Variants in TNR observed in about 807,000 individuals in gnomAD.
TNR encodes tenascin R.
TNR carries 45 observed loss-of-function variants against 150.4 expected under a neutral mutation model. The ratio of observed to expected loss-of-function variants is 0.30; its 90% CI spans 0.24 to 0.38. The LOEUF (loss-of-function observed/expected upper bound fraction) is 0.38, where lower values mean the gene tolerates loss of function less well. TNR is among the 10% of genes least tolerant of loss of function. TNR has a pLI of 1.00. For synonymous variants in TNR, 687 were observed against 678.4 expected (o/e 1.01, Z -0.20); for missense variants, 1,544 against 1,759.1 (o/e 0.88, Z 2.19).
intron 17 of TNR, among the ~76,000 whole-genome samples, chr1:175,355,221 T>C (rs1651265777): frequency 6.6e-6 from 1 of 152,218 alleles, no homozygotes; most frequent in South Asian, 2.1e-4. Flanking sequence ...GAGACCTTCA[T>C]TAGCTAGAGA....
intron 1 of TNR, among the ~76,000 whole-genome samples, chr1:175,612,189 C>G (rs988447866): frequency 6.6e-5 from 10 of 152,150 alleles, no homozygotes; most frequent in Non-Finnish European, 1.3e-4. Context: ...TCCACAGTCA[C>G]TCAGAGCACC....
chr1:175,331,050 T>TTTCTTTCTTTCCTTC (rs1557867588), intron 20 of TNR, among the ~76,000 whole-genome samples: 5 of 95,808 alleles, frequency 5.2e-5, no homozygotes, highest in Middle Eastern at 8.9e-3. Flanking sequence ...TCTTTCTTTC[T>TTTCTTTCTTTCCTTC]TTCTTTCTTT....
intron 2 of TNR, among the ~76,000 whole-genome samples, chr1:175,430,992 T>C (rs1392688885): frequency 3.9e-5 from 6 of 152,212 alleles, no homozygotes; most frequent in African/African-American, 1.4e-4. Context: ...ATGTTGCATA[T>C]CTATACATGG....
intron 1 of TNR, among the ~76,000 whole-genome samples, chr1:175,616,678 A>G (rs1225175722): frequency 9.9e-5 from 15 of 152,146 alleles, no homozygotes. Context: ...GGGCGTTGGC[A>G]TGTAGATATT....
chr1:175,491,385 A>G (rs1451301894), intron 2 of TNR, among the ~76,000 whole-genome samples: 2 of 152,198 alleles, frequency 1.3e-5, no homozygotes, highest in African/African-American at 2.4e-5. Context: ...AATAAATGTT[A>G]AAGAAAAAAA....
At chr1:175,573,108 C>T (rs557806023) in intron 1 of TNR, among the ~76,000 whole-genome samples, 2 of 152,332 alleles carry the variant, frequency 1.3e-5, no homozygotes, top group East Asian at 3.9e-4. Context: ...CTCTGATTAG[C>T]GTGCCTAAGC....
At chr1:175,731,178 G>A (rs953277227) in intron 1 of TNR, among the ~76,000 whole-genome samples, 3 of 152,194 alleles carry the variant, frequency 2.0e-5, no homozygotes, top group African/African-American at 7.2e-5. Context: ...CATTGGAACA[G>A]TGGGTCTTCT....
chr1:175,742,394 C>T (rs1667954605), intron 1 of TNR, among the ~76,000 whole-genome samples: 1 of 152,112 alleles, frequency 6.6e-6, no homozygotes, highest in African/African-American at 2.4e-5. Flanking sequence ...TGCCAAATGC[C>T]CCAGAAAACA....
intron 2 of TNR, among the ~76,000 whole-genome samples, chr1:175,494,074 G>T (rs1028343006): frequency 6.6e-6 from 1 of 151,932 alleles, no homozygotes; most frequent in African/African-American, 2.4e-5. Context: ...CATCTCTCTG[G>T]TCTGTGCCTC....
At chr1:175,438,690 C>T (rs1655630987) in intron 2 of TNR, among the ~76,000 whole-genome samples, 1 of 152,198 alleles carries the variant, frequency 6.6e-6, no homozygotes, top group Non-Finnish European at 1.5e-5. Flanking sequence ...TCTCAGGATA[C>T]AAAATCAATA....
At chr1:175,456,019 C>T (rs1423607908) in intron 2 of TNR, among the ~76,000 whole-genome samples, 1 of 152,180 alleles carries the variant, frequency 6.6e-6, no homozygotes, top group Non-Finnish European at 1.5e-5. Flanking sequence ...GATGTGTGGT[C>T]ACCTCACCTA....
intron 2 of TNR, among the ~76,000 whole-genome samples, chr1:175,434,210 G>T (rs1375918431): frequency 2.6e-5 from 4 of 152,176 alleles, no homozygotes; most frequent in Admixed American, 2.6e-4. Flanking sequence ...CAGAGAGCAG[G>T]CGTGAGGCAG....
intron 2 of TNR, among the ~76,000 whole-genome samples, chr1:175,439,864 G>C (rs1655698559): frequency 6.6e-6 from 1 of 152,150 alleles, no homozygotes; most frequent in Non-Finnish European, 1.5e-5. Flanking sequence ...TCATTAAAAA[G>C]TCAAGAAACA....
chr1:175,359,493 A>C (rs1041129390), intron 15 of TNR, 119 bp downstream of exon 15: 1 of 1,521,786 alleles, frequency 6.6e-7, no homozygotes, highest in Non-Finnish European at 9.0e-7. Context: ...CTGAAGTAGG[A>C]ACTTTTCTAA....
intron 2 of TNR, among the ~76,000 whole-genome samples, chr1:175,453,036 C>T (rs930366014): frequency 6.6e-6 from 1 of 151,958 alleles, no homozygotes; most frequent in Non-Finnish European, 1.5e-5. Context: ...AGATGGTGGT[C>T]ACGGTGGTAC....
chr1:175,323,577 G>A, intron 22 of TNR, 101 bp from the exon 23 acceptor site: 1 of 1,509,184 alleles, frequency 6.6e-7, no homozygotes, highest in Non-Finnish European at 8.9e-7. Flanking sequence ...ACAATGTGGG[G>A]TTAGCTATTT....
chr1:175,452,716 G>C (rs1364739477), intron 2 of TNR, among the ~76,000 whole-genome samples: 1 of 152,216 alleles, frequency 6.6e-6, no homozygotes, highest in Non-Finnish European at 1.5e-5. Flanking sequence ...AGAGTGACGG[G>C]AACTGATTTG....
intron 1 of TNR, among the ~76,000 whole-genome samples, chr1:175,710,251 TG>T (rs1419931087): frequency 2.6e-5 from 4 of 151,804 alleles, no homozygotes; most frequent in Non-Finnish European, 5.9e-5. Flanking sequence ...ATGGAGGACA[TG>T]GGGAGTGCGT....
At chr1:175,741,728 G>C (rs1667936281) in intron 1 of TNR, among the ~76,000 whole-genome samples, 1 of 152,172 alleles carries the variant, frequency 6.6e-6, no homozygotes, top group Non-Finnish European at 1.5e-5. Flanking sequence ...ACTCAGAACT[G>C]TGTCTCTCAC....
Sources: allele counts gnomAD v4.1 joint callset (sites outside exome capture counted in the v4.1 genomes callset), GRCh38; gene constraint gnomAD v4.1.1; transcripts MANE v1.5; gene names NCBI Gene and HGNC (gene_info 2026-07-23, HGNC 2026-07-21).